TRPM3: variants seen among roughly 807,000 people sequenced by gnomAD.
TRPM3 encodes the protein long transient receptor potential channel 3.
TRPM3 carries 77 observed loss-of-function variants against 181.2 expected under a neutral mutation model. The ratio of observed to expected loss-of-function variants is 0.42; its 90% CI spans 0.35 to 0.51. The LOEUF (loss-of-function observed/expected upper bound fraction) is 0.51, where lower values mean the gene tolerates loss of function less well. Among genes scored for constraint, TRPM3 ranks in the 20% least tolerant of loss-of-function variants. The pLI, the probability that TRPM3 is intolerant of heterozygous loss-of-function variation, is 0.01. For synonymous variants in TRPM3, 745 were observed against 796.4 expected (o/e 0.94, Z 1.09); for missense variants, 1,759 against 2,196.7 (o/e 0.80, Z 3.98).
At chr9:71,416,244 A>G (rs12237570) in intron 1 of TRPM3, among the ~76,000 whole-genome samples, 3,017 of 152,026 alleles carry the variant, frequency 0.02, 101 homozygotes, top group African/African-American at 0.069. Flanking sequence ...AAAGTTAATC[A>G]ATACGTTAGT....
chr9:70,937,856 T>C (rs1340328862), intron 1 of TRPM3, among the ~76,000 whole-genome samples: 3 of 141,286 alleles, frequency 2.1e-5, no homozygotes, highest in Non-Finnish European at 4.5e-5. Context: ...TAGATATTCA[T>C]ACTAAAAGCT....
chr9:70,829,106 G>A (rs984938157), intron 5 of TRPM3, among the ~76,000 whole-genome samples: 2 of 152,132 alleles, frequency 1.3e-5, no homozygotes, highest in African/African-American at 4.8e-5. Context: ...AAATTGACAG[G>A]AAAGAAATAA....
At chr9:71,426,055 T>G (rs1439429357) in intron 1 of TRPM3, among the ~76,000 whole-genome samples, 3 of 152,298 alleles carry the variant, frequency 2.0e-5, no homozygotes, top group East Asian at 3.9e-4. Context: ...CCAGTTATTT[T>G]ATGCCACTGC....
chr9:70,749,130 C>G (rs2075695998), intron 8 of TRPM3, among the ~76,000 whole-genome samples: 1 of 152,126 alleles, frequency 6.6e-6, no homozygotes, highest in Non-Finnish European at 1.5e-5. Context: ...CCTCCCATTA[C>G]TAATATACAG....
chr9:70,862,798 G>T, intron 3 of TRPM3, 110 bp downstream of exon 3: 1 of 1,065,006 alleles, frequency 9.4e-7, no homozygotes, highest in African/African-American at 1.6e-5. Context: ...TCAGACAGTG[G>T]CAGAGTGGAG....
chr9:70,838,376 C>T (rs2094446787), intron 5 of TRPM3, among the ~76,000 whole-genome samples: 1 of 152,070 alleles, frequency 6.6e-6, no homozygotes, highest in Admixed American at 6.6e-5. Context: ...GGATTAGGGC[C>T]TTACAAAAGG....
intron 1 of TRPM3, among the ~76,000 whole-genome samples, chr9:71,019,032 G>A (rs2097815804): frequency 6.6e-6 from 1 of 151,768 alleles, no homozygotes; most frequent in South Asian, 2.1e-4. Context: ...AAAAGATGAG[G>A]ATGATAATAT....
At chr9:70,864,374 G>T in intron 2 of TRPM3, 58 bp downstream of exon 2, 2 of 1,198,330 alleles carry the variant, frequency 1.7e-6, no homozygotes, top group Non-Finnish European at 2.3e-6. Flanking sequence ...GATTACTCTT[G>T]CAGGTTTTTT....
At chr9:70,794,573 A>G (rs1351786299) in intron 6 of TRPM3, among the ~76,000 whole-genome samples, 1 of 151,944 alleles carries the variant, frequency 6.6e-6, no homozygotes, top group Non-Finnish European at 1.5e-5. Flanking sequence ...CTCTCGGAGG[A>G]GGCTTTTCCT....
intron 1 of TRPM3, among the ~76,000 whole-genome samples, chr9:71,272,296 TAAAC>T (rs1392694175): frequency 6.6e-6 from 1 of 152,204 alleles, no homozygotes; most frequent in Non-Finnish European, 1.5e-5. Flanking sequence ...AGGTCAATTT[TAAAC>T]AATGACAAAA....
chr9:70,969,818 T>TTA lies in TRPM3; in HGVS notation c.178-105309_178-105308dup, dbSNP rs561321958. Among the ~76,000 whole-genome samples the TTA allele has an allele frequency of 2.8e-3, 404 of 145,308 alleles. 3 individuals are homozygous for TTA. Among genetic ancestry groups the TTA allele is most frequent in the African/African-American group, 9.2e-3 (370 of 40,138 alleles). Reference sequence around the variant, plus strand: ...AAGAAATTATATAATTATGTGTATGTTATATATATATTTAAGAATAGTGCT... The same window carrying TTA: ...AAGAAATTATATAATTATGTGTATGTTATATATATATATTTAAGAATAGTGCT... On this transcript the variant is annotated intron_variant, in intron 1 of 25. Transcript: ENST00000677713.
chr9:70,926,448 G>C (rs2096722340), intron 1 of TRPM3, among the ~76,000 whole-genome samples: 1 of 152,050 alleles, frequency 6.6e-6, no homozygotes. Flanking sequence ...ATAGAGAGAT[G>C]CACAAAAAAA....
At chr9:70,560,730 C>T (rs2048840310) in intron 22 of TRPM3, among the ~76,000 whole-genome samples, 1 of 152,192 alleles carries the variant, frequency 6.6e-6, no homozygotes, top group Admixed American at 6.5e-5. Flanking sequence ...ATTGATTATT[C>T]TTGTCCCTAT....
At chr9:71,420,421 C>A (rs1935335) in intron 1 of TRPM3, among the ~76,000 whole-genome samples, 104,556 of 151,638 alleles carry the variant, frequency 0.69, 36,687 homozygotes, top group East Asian at 0.88. Context: ...GAATATGCCA[C>A]CCTAAAATAT....
intron 1 of TRPM3, among the ~76,000 whole-genome samples, chr9:71,195,026 T>A (rs2078259993): frequency 6.6e-6 from 1 of 151,918 alleles, no homozygotes; most frequent in African/African-American, 2.4e-5. Flanking sequence ...GCAATTTAGA[T>A]CATCACATTA....
At chr9:71,213,144 T>C (rs2079614281) in intron 1 of TRPM3, among the ~76,000 whole-genome samples, 1 of 152,234 alleles carries the variant, frequency 6.6e-6, no homozygotes, top group Non-Finnish European at 1.5e-5. Context: ...TTGCAACTAT[T>C]CCACTATGGC....
At chr9:71,407,379 C>A (rs1003709290) in intron 1 of TRPM3, among the ~76,000 whole-genome samples, 3 of 152,204 alleles carry the variant, frequency 2.0e-5, no homozygotes, top group Non-Finnish European at 1.5e-5. Context: ...CACCCTAATA[C>A]TGCACTTTTC....
intron 1 of TRPM3, among the ~76,000 whole-genome samples, chr9:71,076,550 C>T (rs1368085498): frequency 6.6e-6 from 1 of 152,182 alleles, no homozygotes; most frequent in Non-Finnish European, 1.5e-5. Context: ...CGCCACTTAG[C>T]ACGATGAACA....
chr9:71,152,123 T>C (rs1390953234), intron 1 of TRPM3, among the ~76,000 whole-genome samples: 1 of 152,144 alleles, frequency 6.6e-6, no homozygotes, highest in African/African-American at 2.4e-5. Flanking sequence ...CTTAATCACA[T>C]ATAAAACTGT....
Sources: gnomAD v4.1 joint callset for allele counts (sites outside exome capture counted in the v4.1 genomes callset) on GRCh38, gnomAD v4.1.1 for gene constraint, MANE v1.5 for transcripts, NCBI Gene and HGNC (gene_info 2026-07-23, HGNC 2026-07-21) for gene names.